Variants in XKR6 observed in about 807,000 individuals in gnomAD.
The protein encoded by XKR6 is XK-related protein 6.
XKR6 carries 22 observed loss-of-function variants against 56.7 expected under a neutral mutation model. The ratio of observed to expected loss-of-function variants is 0.39; its 90% confidence interval spans 0.28 to 0.55. XKR6 has a LOEUF of 0.55. Among genes scored for constraint, XKR6 ranks in the 20% least tolerant of loss-of-function variants. XKR6 has a pLI of 0.66. For synonymous variants in XKR6, 524 were observed against 387.8 expected, an observed-to-expected ratio of 1.35 and a Z score of -4.13; for missense variants, 852 against 889.0, an observed-to-expected ratio of 0.96 and a Z score of 0.53.
At chr8:10,932,003 A>G (rs1801066264) in intron 1 of XKR6, among the ~76,000 whole-genome samples, 1 of 152,238 alleles carries the variant, frequency 6.6e-6, no homozygotes, top group Non-Finnish European at 1.5e-5. Flanking sequence ...ACTAGAAAAA[A>G]ACAATCCAAT....
intron 1 of XKR6, among the ~76,000 whole-genome samples, chr8:11,063,939 A>G (rs1480052756): frequency 6.6e-6 from 1 of 152,004 alleles, no homozygotes; most frequent in African/African-American, 2.4e-5. Flanking sequence ...ATTTCCCTCA[A>G]TCTTCTGAAC....
intron 2 of XKR6, among the ~76,000 whole-genome samples, chr8:10,906,429 C>T (rs1238206611): frequency 6.6e-6 from 1 of 152,176 alleles, no homozygotes; most frequent in African/African-American, 2.4e-5. Context: ...CAGGGCACTA[C>T]CTGGTTATCA....
At chr8:11,073,686 AC>A (rs1800192038) in intron 1 of XKR6, among the ~76,000 whole-genome samples, 1 of 152,238 alleles carries the variant, frequency 6.6e-6, no homozygotes, top group African/African-American at 2.4e-5. Flanking sequence ...AAATCCTGAT[AC>A]CTGCACTGCA....
intron 1 of XKR6, among the ~76,000 whole-genome samples, chr8:10,978,028 T>C (rs1280187346): frequency 6.6e-6 from 1 of 152,026 alleles, no homozygotes; most frequent in East Asian, 1.9e-4. Flanking sequence ...ACCTAGTGGG[T>C]CTGCCTTATT....
chr8:11,059,760 C>G (rs1473623486), intron 1 of XKR6, among the ~76,000 whole-genome samples: 1 of 151,590 alleles, frequency 6.6e-6, no homozygotes, highest in Admixed American at 6.6e-5. Flanking sequence ...GCGGCTCCCT[C>G]TCACCCGCTG....
chr8:11,195,453 A>T (rs537567654), intron 1 of XKR6, among the ~76,000 whole-genome samples: 1 of 152,082 alleles, frequency 6.6e-6, no homozygotes, highest in South Asian at 2.1e-4. Flanking sequence ...ATATGTACAG[A>T]CTCTTTATTC....
intron 1 of XKR6, among the ~76,000 whole-genome samples, chr8:10,973,814 AG>A (rs1203873910): frequency 1.3e-5 from 2 of 152,176 alleles, no homozygotes; most frequent in East Asian, 3.9e-4. Context: ...TGAACTCATG[AG>A]CTCAAGCAAT....
chr8:10,968,236 C>T (rs1239430750), intron 1 of XKR6, among the ~76,000 whole-genome samples: 1 of 152,234 alleles, frequency 6.6e-6, no homozygotes, highest in Non-Finnish European at 1.5e-5. Context: ...TCCCCTCCGT[C>T]CTCCGTCAGC....
At chr8:11,159,444 G>C (rs968608391) in intron 1 of XKR6, among the ~76,000 whole-genome samples, 1 of 152,202 alleles carries the variant, frequency 6.6e-6, no homozygotes, top group Non-Finnish European at 1.5e-5. Flanking sequence ...AACAGCTGCT[G>C]TCCTCACAGC....
intron 1 of XKR6, chr8:11,035,348 G>A (rs1489226028): frequency 1.9e-6 from 1 of 534,364 alleles, no homozygotes. Context: ...GGCCATGCAG[G>A]AGCCAGGAGA....
At chr8:10,899,118 A>G (rs1001765291) in intron 2 of XKR6, among the ~76,000 whole-genome samples, 2 of 152,202 alleles carry the variant, frequency 1.3e-5, no homozygotes, top group African/African-American at 4.8e-5. Flanking sequence ...TTGTTTCAAC[A>G]ACCCCATTTG....
chr8:11,066,018 T>C lies in XKR6; in HGVS notation c.764+134558A>G, dbSNP rs993149815. On this transcript the variant is annotated intron_variant, in intron 1 of 2. Coordinates refer to ENST00000416569, the MANE Select transcript of XKR6 (RefSeq NM_173683.4). The stretch of plus-strand genomic sequence containing the variant: ...GGGGAAGAGGGGGCTCTGCATTCTC[T>C]GAAGTCCCTGCCATCTTGAAGCCCC... 6.4e-4 allele frequency among the ~76,000 whole-genome samples: 98 copies of C among 152,262 alleles called. 1 individual carries two copies. The highest frequency in any genetic ancestry group is 4.4e-5 in the Non-Finnish European group (3 of 68,042).
intron 1 of XKR6, among the ~76,000 whole-genome samples, chr8:11,112,857 T>C (rs1678106951): frequency 1.3e-5 from 2 of 152,158 alleles, no homozygotes; most frequent in Admixed American, 1.3e-4. Flanking sequence ...GAAAGCCACA[T>C]ACATGAAGAA....
intron 1 of XKR6, among the ~76,000 whole-genome samples, chr8:11,033,003 C>T (rs573568685): frequency 2.6e-4 from 39 of 151,818 alleles, no homozygotes; most frequent in Admixed American, 2.4e-3. Flanking sequence ...ATGATGAAAA[C>T]GATGATCAGG....
At chr8:11,019,216 C>T (rs1317931491) in intron 1 of XKR6, among the ~76,000 whole-genome samples, 1 of 152,198 alleles carries the variant, frequency 6.6e-6, no homozygotes, top group Non-Finnish European at 1.5e-5. Flanking sequence ...TAGCATGGGG[C>T]CAAAAGCCAA....
intron 1 of XKR6, among the ~76,000 whole-genome samples, chr8:11,065,721 C>A (rs749309456): frequency 6.6e-6 from 1 of 152,164 alleles, no homozygotes; most frequent in Non-Finnish European, 1.5e-5. Flanking sequence ...GGCTAAAGTC[C>A]GGTCTCTTCC....
rs139854475 is a variant in XKR6 at position 11,155,469 on chromosome 8, G to C, written c.764+45107C>G. On this transcript the variant is annotated intron_variant, in intron 1 of 2. Coordinates refer to ENST00000416569, the MANE Select transcript of XKR6 (RefSeq NM_173683.4). ...AAAAATTAATAAAGACTTCACAACA[G>C]TTGTGCATTATCTTCAGGATAAGGA... Among the ~76,000 whole-genome samples, 553 of 152,290 alleles carry C rather than the reference G, an allele frequency of 3.6e-3. 3 individuals carry two copies. Among genetic ancestry groups the C allele is most frequent in the African/African-American group, 0.011 (443 of 41,556 alleles).
chr8:11,165,773 G>A (rs1802041142), intron 1 of XKR6, among the ~76,000 whole-genome samples: 2 of 152,088 alleles, frequency 1.3e-5, no homozygotes, highest in African/African-American at 4.8e-5. Flanking sequence ...CAAAGAGCCT[G>A]AAATTCTTGT....
At chr8:11,017,259 G>C (rs564264353) in intron 1 of XKR6, among the ~76,000 whole-genome samples, 1 of 152,226 alleles carries the variant, frequency 6.6e-6, no homozygotes, top group Non-Finnish European at 1.5e-5. Context: ...ATGGATATGC[G>C]TATAGATATA....
Sources: gnomAD v4.1 joint callset for allele counts (sites outside exome capture counted in the v4.1 genomes callset) on GRCh38, gnomAD v4.1.1 for gene constraint, MANE v1.5 for transcripts, NCBI Gene and HGNC (gene_info 2026-07-23, HGNC 2026-07-21) for gene names.